HTR4: variants seen among roughly 807,000 people sequenced by gnomAD.
The protein encoded by HTR4 is 5-hydroxytryptamine (serotonin) receptor 4, G protein-coupled.
Under a neutral mutation model 36.8 loss-of-function variants are expected in HTR4, and 16 were observed. The ratio of observed to expected loss-of-function variants is 0.43; its 90% CI spans 0.29 to 0.66. The LOEUF (loss-of-function observed/expected upper bound fraction) is 0.66. Among genes scored for constraint, HTR4 ranks in the 30% least tolerant of loss-of-function variants. The probability of loss-of-function intolerance (pLI) is 0.13; values close to 1 mark genes in which losing one functional copy is unlikely to be tolerated. For synonymous variants in HTR4, 189 were observed against 185.1 expected (o/e 1.02, Z -0.17); for missense variants, 438 against 490.9 (o/e 0.89, Z 1.02).
Position 148,548,744 on chromosome 5 carries a change from A to G in HTR4, c.277T>C (p.Cys93Arg), listed in dbSNP as rs771187681. 5.6e-6 allele frequency: 9 copies of G among 1,613,658 alleles called. No individual in the cohort carries two copies. Among genetic ancestry groups the G allele is most frequent in the Admixed American group, 1.7e-5 (1 of 59,986 alleles). The change falls in exon 4 of 7, where the codon TGT (cysteine) becomes CGT (arginine). Residue 93 changes from cysteine to arginine, a missense_variant. Cys to Arg is a radical substitution (Grantham distance 180). Coordinates refer to ENST00000377888, the MANE Select transcript of HTR4 (RefSeq NM_000870.7). ...QDIWIYGEVFCLVRTSLDVLL... is the reference protein window; with the variant it reads ...QDIWIYGEVFRLVRTSLDVLL... ...ACGTCCAGAGATGTCCGAACAAGAC[A>G]AAACACCTCCCCATAAATCCAGATG...
rs192234336 is a variant in HTR4, at chr5:148,501,030, C to T, written c.1076+8426G>A. On this transcript the variant is annotated intron_variant, in intron 6 of 6. Transcript: ENST00000377888. ...TCTGAAAGAAATACTAGCACATGCA[C>T]CAAGAAATGTGTTCAAGGGCATTAC... Among the ~76,000 whole-genome samples the T allele has an allele frequency of 1.7e-3, 262 of 152,080 alleles. 1 individual carries two copies. The highest frequency in any genetic ancestry group is 2.5e-3 in the Non-Finnish European group (172 of 67,986).
At chr5:148,567,250 G>A (rs1760483138) in intron 2 of HTR4, among the ~76,000 whole-genome samples, 1 of 151,982 alleles carries the variant, frequency 6.6e-6, no homozygotes, top group South Asian at 2.1e-4. Flanking sequence ...TGGATGTTTT[G>A]GAGCTTACAA....
At chr5:148,552,141 G>C (rs1398108797) in intron 2 of HTR4, among the ~76,000 whole-genome samples, 2 of 152,226 alleles carry the variant, frequency 1.3e-5, no homozygotes, top group East Asian at 3.8e-4. Context: ...TGGCACAGAA[G>C]ACAAGGGGCC....
At chr5:148,500,738 G>T (rs1461556290) in intron 6 of HTR4, among the ~76,000 whole-genome samples, 3 of 151,926 alleles carry the variant, frequency 2.0e-5, no homozygotes, top group Admixed American at 2.0e-4. Flanking sequence ...AATATAAATA[G>T]TATATAACTA....
chr5:148,650,691 C>T lies in HTR4; in HGVS notation c.-48+3371G>A, dbSNP rs143814433. On this transcript the variant is annotated intron_variant, in intron 1 of 6. Coordinates refer to ENST00000377888, the MANE Select transcript of HTR4 (RefSeq NM_000870.7). The stretch of plus-strand genomic sequence containing the variant: ...TGTTCCTTCCTCCATCCTTCCTCTC[C>T]CCTGCACCTCCCCACTTTTCCATTA... 2.0e-5 allele frequency among the ~76,000 whole-genome samples: 3 copies of T among 152,258 alleles called. No homozygotes were observed. The South Asian group carries it at 6.2e-4, about 32-fold the overall frequency.
At chr5:148,504,186 T>TATAC (rs1448551780) in intron 6 of HTR4, among the ~76,000 whole-genome samples, 3 of 152,172 alleles carry the variant, frequency 2.0e-5, no homozygotes, top group African/African-American at 7.2e-5. Context: ...ATCAACAGAA[T>TATAC]ATACATTCGT....
intron 5 of HTR4, among the ~76,000 whole-genome samples, chr5:148,470,573 G>C (rs1176435693): frequency 6.6e-6 from 1 of 152,070 alleles, no homozygotes; most frequent in African/African-American, 2.4e-5. Flanking sequence ...GTTGTTATTT[G>C]TTTTTATACC....
chr5:148,644,755 G>C (rs1753831853), intron 1 of HTR4: 5 of 152,102 alleles, frequency 3.3e-5, no homozygotes, highest in Admixed American at 3.3e-4. Flanking sequence ...ATCCACAGTG[G>C]AACTTGGATT....
intron 1 of HTR4, among the ~76,000 whole-genome samples, chr5:148,638,716 A>T (rs1753630402): frequency 6.6e-6 from 1 of 152,158 alleles, no homozygotes; most frequent in Admixed American, 6.5e-5. Flanking sequence ...ACTTCTTCTC[A>T]TACCCTAAGA....
At chr5:148,526,725 C>G (rs1248092949) in intron 4 of HTR4, among the ~76,000 whole-genome samples, 2 of 152,078 alleles carry the variant, frequency 1.3e-5, no homozygotes, top group African/African-American at 4.8e-5. Context: ...TCATTTCCAG[C>G]AGCATGGATG....
chr5:148,491,118 TGGA>T (rs748868777), intron 6 of HTR4, among the ~76,000 whole-genome samples: 13 of 152,286 alleles, frequency 8.5e-5, no homozygotes, highest in African/African-American at 3.1e-4. Flanking sequence ...CAGTGTGCTT[TGGA>T]GGAGATTTCT....
chr5:148,647,245 T>C (rs1753898903), intron 1 of HTR4, among the ~76,000 whole-genome samples: 1 of 152,228 alleles, frequency 6.6e-6, no homozygotes, highest in Admixed American at 6.5e-5. Context: ...GTCTGTCATT[T>C]TCATAAATTA....
chr5:148,509,885 T>A lies in HTR4; in HGVS notation c.647A>T (p.Tyr216Phe). ...ATGGGCATGCTCCTTAGCTGTGACA[T>A]AGATGCGGTAATAGGCCAGCACCAT... The part of the protein sequence containing the change: ...LLMVLAYYRI[Y>F]VTAKEHAHQI... Residue 216 changes from tyrosine (Y) to phenylalanine (F), a missense_variant, in exon 6 of 7, where the codon TAT becomes TTT. Transcript: ENST00000377888. The A allele has an allele frequency of 1.2e-6, 2 of 1,613,906 alleles. No individual in the cohort carries two copies. The highest frequency in any genetic ancestry group is 1.7e-6 in the Non-Finnish European group (2 of 1,179,980).
chr5:148,530,393 C>T (rs1010611515), intron 4 of HTR4, among the ~76,000 whole-genome samples: 1 of 152,178 alleles, frequency 6.6e-6, no homozygotes, highest in Non-Finnish European at 1.5e-5. Context: ...TGTGTCCCAG[C>T]TACTCCAGGC....
At chr5:148,639,885 A>G (rs1184654525) in intron 1 of HTR4, among the ~76,000 whole-genome samples, 1 of 152,106 alleles carries the variant, frequency 6.6e-6, no homozygotes, top group Non-Finnish European at 1.5e-5. Context: ...CCATCTCAGA[A>G]TAGAATATTG....
intron 2 of HTR4, among the ~76,000 whole-genome samples, chr5:148,622,357 T>C (rs1008538609): frequency 1.3e-5 from 2 of 152,240 alleles, no homozygotes; most frequent in South Asian, 4.1e-4. Flanking sequence ...TAACCAGCCC[T>C]ATCCTGATGG....
At chr5:148,612,204 C>A (rs1561649552) in intron 2 of HTR4, among the ~76,000 whole-genome samples, 2 of 152,144 alleles carry the variant, frequency 1.3e-5, no homozygotes, top group Non-Finnish European at 2.9e-5. Flanking sequence ...GAACTCTCCA[C>A]CACAAATCAA....
chr5:148,595,458 C>T (rs1201692078), intron 2 of HTR4, among the ~76,000 whole-genome samples: 1 of 152,124 alleles, frequency 6.6e-6, no homozygotes, highest in East Asian at 1.9e-4. Flanking sequence ...TCCCATTTTC[C>T]TCTCTTCTTG....
chr5:148,529,059 C>G (rs2113808178), intron 4 of HTR4, among the ~76,000 whole-genome samples: 1 of 151,846 alleles, frequency 6.6e-6, no homozygotes, highest in East Asian at 2.0e-4. Context: ...AAGGGAAGCA[C>G]AGGAGTGTTC....
Sources: allele counts gnomAD v4.1 joint callset (sites outside exome capture counted in the v4.1 genomes callset), GRCh38; gene constraint gnomAD v4.1.1; transcripts MANE v1.5; gene names NCBI Gene and HGNC (gene_info 2026-07-23, HGNC 2026-07-21).